ZNF84: variants seen among roughly 807,000 people sequenced by gnomAD.
The protein encoded by ZNF84 is zinc finger protein 84.
A neutral mutation model predicts 14.8 loss-of-function variants in ZNF84; 12 were observed. The observed-to-expected ratio is 0.81, with a 90% CI of 0.52 to 1.31. The LOEUF (loss-of-function observed/expected upper bound fraction) is 1.31, where lower values mean the gene tolerates loss of function less well. Among genes scored for constraint, ZNF84 ranks in the 50% most tolerant of loss-of-function variants. ZNF84 has a pLI of 0.00. For missense variants in ZNF84, 859 were observed against 878.6 expected (o/e 0.98, Z 0.28); for synonymous variants, 347 against 291.1 (o/e 1.19, Z -1.96).
At position 133,057,838 on chromosome 12, in the gene ZNF84, T is replaced by C; in HGVS notation, c.1123T>C (p.Phe375Leu). The C allele has an allele frequency of 6.2e-7, 1 of 1,613,364 alleles. No homozygotes were observed. ...CAGAACTCACACAGGAACAAAACCCTTTGGATGTAGTGATTGTAGAAAAGC... is the reference window on the plus strand; with the variant it reads ...CAGAACTCACACAGGAACAAAACCCCTTGGATGTAGTGATTGTAGAAAAGC... The part of the protein sequence containing the change: ...HHRTHTGTKP[F>L]GCSDCRKAFF... Residue 375 changes from phenylalanine to leucine, a missense_variant, in exon 5 of 5, where the codon TTT (phenylalanine) becomes CTT (leucine). Transcript: ENST00000539354.
Position 133,056,975 on chromosome 12 carries a change from A to C in ZNF84, c.260A>C (p.Asn87Thr). Residue 87 changes from asparagine to threonine, a missense_variant, in exon 5 of 5, where the codon AAC becomes ACC. Asn to Thr is a moderately conservative substitution (Grantham distance 65). Transcript: ENST00000539354. ...DSPEVWKVDG[N>T]MMWHQDNQDK... ...ATAGAAGTCTGGAAAGTAGATGGTA[A>C]CATGATGTGGCACCAGGATAACCAA... The C allele has an allele frequency of 6.3e-7, 1 of 1,585,170 alleles. No individual in the cohort carries two copies. Among genetic ancestry groups the C allele is most frequent in the Non-Finnish European group, 8.5e-7 (1 of 1,170,486 alleles).
intron 2 of ZNF84, among the ~76,000 whole-genome samples, chr12:133,046,178 A>G (rs760519404): frequency 6.6e-5 from 10 of 151,972 alleles, no homozygotes; most frequent in African/African-American, 1.9e-4. Flanking sequence ...GTTTGGTTCT[A>G]TCATTCCCTT....
At position 133,059,076 on chromosome 12, in the gene ZNF84, C is replaced by T. The variant is rs977799033; in HGVS notation, c.*144C>T. On this transcript the variant is annotated 3_prime_UTR_variant, in exon 5 of 5. Transcript: ENST00000539354. ...CTAAATGAGGTGGTGTATGGAAAGC[C>T]GATCATAATTCATAGAGTAGAGTGA... 5.3e-5 allele frequency: 43 copies of T among 812,184 alleles called. 2 individuals carry two copies. The highest frequency in any genetic ancestry group is 3.0e-4 in the South Asian group (16 of 53,430). 50.3% of individuals were successfully genotyped at this position (812,184 alleles called of 1,614,324 possible).
chr12:133,049,402 C>T (rs1954037392), intron 4 of ZNF84, among the ~76,000 whole-genome samples: 1 of 152,120 alleles, frequency 6.6e-6, no homozygotes, highest in South Asian at 2.1e-4. Context: ...TATCCTTATC[C>T]TCCCTTTTAA....
chr12:133,048,933 G>C, intron 4 of ZNF84, 85 bp downstream of exon 4: 2 of 1,140,690 alleles, frequency 1.8e-6, no homozygotes, highest in East Asian at 5.2e-5. Flanking sequence ...TCAGTGATGG[G>C]TGGGCTGGTC....
intron 2 of ZNF84, among the ~76,000 whole-genome samples, chr12:133,042,833 ATTG>A (rs1334565231): frequency 1.3e-5 from 2 of 152,214 alleles, no homozygotes; most frequent in Admixed American, 6.5e-5. Flanking sequence ...AGTTTGATGA[ATTG>A]TTATCAGTGG....
chr12:133,049,563 T>C (rs1193194445), intron 4 of ZNF84, among the ~76,000 whole-genome samples: 12 of 152,146 alleles, frequency 7.9e-5, no homozygotes, highest in Non-Finnish European at 4.4e-5. Flanking sequence ...GGCTCACTAC[T>C]CCACCTCCTA....
rs904378227 is a variant in ZNF84 at position 133,062,932 on chromosome 12, A to G, written c.*4000A>G. 5.0e-6 allele frequency: 3 copies of G among 603,008 alleles called. No individual in the cohort carries two copies. The highest frequency in any genetic ancestry group is 2.9e-6 in the Non-Finnish European group (1 of 339,626). 37.4% of individuals were successfully genotyped at this position (603,008 alleles called of 1,614,324 possible). A position where few individuals can be genotyped will look rare whatever the true frequency, so the allele number is the denominator to read the frequency against. On this transcript the variant is annotated 3_prime_UTR_variant, in exon 5 of 5. Transcript: ENST00000539354. ...TTCCTTGTTAATGCCTATTGAATCTATATGAACCTGTACGTGTGTTTCTCA... is the reference window on the plus strand; with the variant it reads ...TTCCTTGTTAATGCCTATTGAATCTGTATGAACCTGTACGTGTGTTTCTCA...
Position 133,056,886 on chromosome 12 carries a change from A to T in ZNF84, c.239-68A>T, listed in dbSNP as rs992736897. On this transcript the variant is annotated intron_variant, in intron 4 of 4. Coordinates refer to ENST00000539354, the MANE Select transcript of ZNF84 (RefSeq NM_001289971.2). ...GCCAACCCCTCAACATAGCATTTCT[A>T]GTTTTGTTTTGTTTTGTTTTGTTTT... is the stretch of plus-strand genomic sequence containing the variant. The T allele has an allele frequency of 1.2e-5, 16 of 1,370,840 alleles. No homozygotes were observed. In the African/African-American group the frequency reaches 1.9e-4, roughly 16 times the overall value. The allele number at this position is 1,370,840 out of a possible 1,614,324, so 84.9% of individuals were successfully genotyped here. A position where few individuals can be genotyped will look rare whatever the true frequency, so the allele number is the denominator to read the frequency against.
Position 133,063,120 on chromosome 12 carries a change from G to T in ZNF84, c.*4188G>T. Reference sequence around the variant, plus strand: ...GCCACATGGAGAAACATGGTCTGCAGTGAGAGAGAAGAATGAAGCCATGAT... The same window carrying T: ...GCCACATGGAGAAACATGGTCTGCATTGAGAGAGAAGAATGAAGCCATGAT... On this transcript the variant is annotated 3_prime_UTR_variant, in exon 5 of 5. Transcript: ENST00000539354. 2.8e-6 allele frequency: 2 copies of T among 702,402 alleles called. No individual in the cohort carries two copies. The highest frequency in any genetic ancestry group is 2.3e-4 in the Middle Eastern group (1 of 4,364). 43.5% of individuals were successfully genotyped at this position (702,402 alleles called of 1,614,324 possible).
chr12:133,041,602 C>A, intron 2 of ZNF84, 120 bp downstream of exon 2: 1 of 1,055,488 alleles, frequency 9.5e-7, no homozygotes, highest in South Asian at 1.3e-5. Flanking sequence ...CTCAGATGAT[C>A]AGGATTGGAA....
rs374640268 is a variant in ZNF84 at position 133,056,074 on chromosome 12, A to T, written c.239-880A>T. ...ATATGGCAAGTTTAAATAAAACTTT[A>T]GAATAAGAAACAATACACAAAATAT... On this transcript the variant is annotated intron_variant, in intron 4 of 4. Coordinates refer to ENST00000539354, the MANE Select transcript of ZNF84 (RefSeq NM_001289971.2). Among the ~76,000 whole-genome samples, 7 of 152,328 alleles carry T rather than the reference A, an allele frequency of 4.6e-5. No homozygotes were observed. In the East Asian group the frequency reaches 1.3e-3, roughly 29 times the overall value.
chr12:133,049,150 C>T (rs961883964), intron 4 of ZNF84, among the ~76,000 whole-genome samples: 6 of 152,166 alleles, frequency 3.9e-5, no homozygotes, highest in African/African-American at 1.4e-4. Flanking sequence ...GAAATGTGTC[C>T]TGCTTATCTT....
In ZNF84 at chr12:133,062,256, C is replaced by G. The variant is rs1425587180; in HGVS notation, c.*3324C>G. On this transcript the variant is annotated 3_prime_UTR_variant, in exon 5 of 5. Transcript: ENST00000539354. ...TTGAGACCTGTATCAGGATTGCCTT[C>G]TGTGTGACTTTTTCTTGCAGGATCT... is the stretch of plus-strand genomic sequence containing the variant. The G allele has an allele frequency of 6.6e-6, 1 of 152,194 alleles. No individual in the cohort carries two copies. The highest frequency in any genetic ancestry group is 2.4e-5 in the African/African-American group (1 of 41,430). 9.4% of individuals were successfully genotyped at this position (152,194 alleles called of 1,614,324 possible).
At chr12:133,049,751 T>C (rs1258629151) in intron 4 of ZNF84, among the ~76,000 whole-genome samples, 1 of 152,176 alleles carries the variant, frequency 6.6e-6, no homozygotes, top group Non-Finnish European at 1.5e-5. Context: ...AGTGCTGGGA[T>C]TACAGGTGTG....
intron 4 of ZNF84, among the ~76,000 whole-genome samples, chr12:133,050,211 T>G (rs1388642599): frequency 6.6e-6 from 1 of 152,218 alleles, no homozygotes; most frequent in African/African-American, 2.4e-5. Context: ...CTCCGACTAC[T>G]GCTGTGGGTA....
In ZNF84 at chr12:133,057,714, T is replaced by C; in HGVS notation, c.999T>C (p.Asn333=). 1.2e-6 allele frequency: 2 copies of C among 1,613,680 alleles called. No homozygotes were observed. The highest frequency in any genetic ancestry group is 1.7e-6 in the Non-Finnish European group (2 of 1,179,918). Residue 333 remains asparagine, a synonymous_variant, in exon 5 of 5, where the codon AAT becomes AAC. Coordinates refer to ENST00000539354, the MANE Select transcript of ZNF84 (RefSeq NM_001289971.2). ...ECGRAFSEKS[N]LINHQRIHTG... is the part of the protein sequence containing the mutation. ...GGAGGGCCTTTAGTGAAAAGTCCAATCTCATTAACCATCAGAGAATTCATA... is the reference window on the plus strand; with the variant it reads ...GGAGGGCCTTTAGTGAAAAGTCCAACCTCATTAACCATCAGAGAATTCATA...
intron 3 of ZNF84, 29 bp downstream of exon 3, chr12:133,048,110 A>C (rs1468605188): frequency 1.2e-6 from 2 of 1,604,460 alleles, no homozygotes; most frequent in East Asian, 4.5e-5. Context: ...AGGACCTTGG[A>C]CTATGCCCAA....
At chr12:133,041,877 C>CTT (rs1399084138) in intron 2 of ZNF84, among the ~76,000 whole-genome samples, 4 of 152,142 alleles carry the variant, frequency 2.6e-5, no homozygotes, top group Non-Finnish European at 5.9e-5. Context: ...TTGATGAAGT[C>CTT]TTATGAATGA....
Sources: allele counts gnomAD v4.1 joint callset (sites outside exome capture counted in the v4.1 genomes callset), GRCh38; gene constraint gnomAD v4.1.1; transcripts MANE v1.5; gene names NCBI Gene and HGNC (gene_info 2026-07-23, HGNC 2026-07-21).